The following BICD1 variants were observed in gnomAD, a reference collection of about 807,000 sequenced individuals.
BICD1 encodes BICD cargo adaptor 1, also known as protein bicaudal D homolog 1.
A neutral mutation model predicts 92.5 loss-of-function variants in BICD1; 35 were observed. The ratio of observed to expected loss-of-function variants is 0.38; its 90% CI spans 0.29 to 0.50. The LOEUF (loss-of-function observed/expected upper bound fraction) is 0.50. Ranked by LOEUF, BICD1 falls within the 20% of genes least tolerant of loss-of-function variation. BICD1 has a pLI of 0.93. For missense variants in BICD1, 950 were observed against 1,189.8 expected, an observed-to-expected ratio of 0.80 and a Z score of 2.97; for synonymous variants, 429 against 465.1, an observed-to-expected ratio of 0.92 and a Z score of 1.00.
chr12:32,251,935 G>T (rs1024565671), intron 2 of BICD1, among the ~76,000 whole-genome samples: 1 of 135,634 alleles, frequency 7.4e-6, no homozygotes, highest in Non-Finnish European at 1.5e-5. Context: ...GTTTTGGGGC[G>T]CTCGGGAGTT....
intron 1 of BICD1, among the ~76,000 whole-genome samples, chr12:32,178,264 C>G (rs1005781369): frequency 6.6e-6 from 1 of 151,840 alleles, no homozygotes; most frequent in Admixed American, 6.6e-5. Flanking sequence ...AAGAGATCAC[C>G]GTTGAACACA....
intron 1 of BICD1, among the ~76,000 whole-genome samples, chr12:32,124,971 A>G (rs1191892151): frequency 6.6e-6 from 1 of 152,172 alleles, no homozygotes; most frequent in Non-Finnish European, 1.5e-5. Flanking sequence ...GACCAGGAGT[A>G]CCTGTGACTA....
intron 1 of BICD1, among the ~76,000 whole-genome samples, chr12:32,212,417 G>A (rs937642613): frequency 1.3e-5 from 2 of 152,134 alleles, no homozygotes; most frequent in African/African-American, 4.8e-5. Flanking sequence ...GCAATATGCT[G>A]TGACATTTTA....
At chr12:32,368,060 T>C in intron 9 of BICD1, 1 of 266,834 alleles carries the variant, frequency 3.7e-6, no homozygotes, top group Non-Finnish European at 7.2e-6. Flanking sequence ...GGAATTGTTA[T>C]GATGTTTGTC....
At chr12:32,120,576 G>A (rs1042362525) in intron 1 of BICD1, among the ~76,000 whole-genome samples, 9 of 152,082 alleles carry the variant, frequency 5.9e-5, no homozygotes, top group Admixed American at 1.3e-4. Flanking sequence ...AAGAAGGATG[G>A]GCCCTGTTGA....
intron 1 of BICD1, among the ~76,000 whole-genome samples, chr12:32,165,435 G>A (rs1006884441): frequency 1.1e-4 from 17 of 152,224 alleles, no homozygotes; most frequent in African/African-American, 3.9e-4. Flanking sequence ...AGAATGGCGC[G>A]AACCCGGGAG....
At chr12:32,290,846 C>T (rs991261468) in intron 2 of BICD1, among the ~76,000 whole-genome samples, 16 of 152,146 alleles carry the variant, frequency 1.1e-4, no homozygotes, top group African/African-American at 3.9e-4. Flanking sequence ...CAGAGTTGAG[C>T]CCCTTCTTTT....
intron 2 of BICD1, among the ~76,000 whole-genome samples, chr12:32,242,052 C>CA (rs112753735): frequency 6.7e-6 from 1 of 149,746 alleles, no homozygotes; most frequent in African/African-American, 2.5e-5. Flanking sequence ...AACAAACAAA[C>CA]AAAAAAACAA....
chr12:32,127,569 C>T (rs1386365838), intron 1 of BICD1, among the ~76,000 whole-genome samples: 1 of 152,182 alleles, frequency 6.6e-6, no homozygotes, highest in Non-Finnish European at 1.5e-5. Flanking sequence ...TTACTCTTAC[C>T]ATTTTAATAT....
chr12:32,149,393 A>G (rs930960936), intron 1 of BICD1, among the ~76,000 whole-genome samples: 1 of 152,258 alleles, frequency 6.6e-6, no homozygotes, highest in Non-Finnish European at 1.5e-5. Flanking sequence ...TACAGAATTT[A>G]ATAATGTAAC....
chr12:32,274,061 C>A (rs770224564), intron 2 of BICD1, among the ~76,000 whole-genome samples: 9 of 152,216 alleles, frequency 5.9e-5, no homozygotes, highest in Non-Finnish European at 1.3e-4. Flanking sequence ...AGTTCTTCAG[C>A]CTTCAGGCTC....
At position 32,328,484 on chromosome 12, in the gene BICD1, C is replaced by G; in HGVS notation, c.2029C>G (p.Leu677Val). Reference protein sequence around the residue: ...KEALMEEILKLKSLLSTKREQ... With the variant: ...KEALMEEILKVKSLLSTKREQ... ...AGCCTTAATGGAAGAGATCCTCAAG[C>G]TAAAGTCCCTGCTGAGCACCAAACG... is the stretch of plus-strand genomic sequence containing the variant. Residue 677 changes from leucine to valine, a missense_variant, in exon 5 of 10, where the codon CTA (leucine) becomes GTA (valine). Leu to Val is a conservative substitution (Grantham distance 32). This residue lies in a region of BICD1 where 309 missense variants were observed against 499.4 expected (regional missense o/e 0.62). Coordinates refer to ENST00000652176, the MANE Select transcript of BICD1 (RefSeq NM_001714.4). This position sits in a 1 kb window ranked among gnomAD's most constrained non-coding sequence, Gnocchi z 4.4. 1 of 1,614,214 alleles carries G rather than the reference C, an allele frequency of 6.2e-7. No homozygotes were observed. Among genetic ancestry groups the G allele is most frequent in the South Asian group, 1.1e-5 (1 of 91,088 alleles).
chr12:32,129,619 C>T (rs1280640420), intron 1 of BICD1, among the ~76,000 whole-genome samples: 2 of 151,968 alleles, frequency 1.3e-5, no homozygotes, highest in Non-Finnish European at 2.9e-5. Context: ...ATCTTCCCAC[C>T]TCAGCCTCCC....
chr12:32,196,634 T>A (rs896155340), intron 1 of BICD1, among the ~76,000 whole-genome samples: 14 of 152,258 alleles, frequency 9.2e-5, no homozygotes, highest in African/African-American at 3.1e-4. Context: ...GGTGAGGGAT[T>A]AGGGGAGATA....
chr12:32,287,072 G>A (rs1947589868), intron 2 of BICD1, among the ~76,000 whole-genome samples: 1 of 152,090 alleles, frequency 6.6e-6, no homozygotes, highest in Non-Finnish European at 1.5e-5. Flanking sequence ...TCTGAAATGA[G>A]ACTTAAATAA....
chr12:32,295,246 A>G (rs887755610), intron 3 of BICD1, among the ~76,000 whole-genome samples: 1 of 152,254 alleles, frequency 6.6e-6, no homozygotes, highest in Non-Finnish European at 1.5e-5. Context: ...AGAACTATTA[A>G]TAATTATTGA....
rs1940025986 is a variant in BICD1 at position 32,377,625 on chromosome 12, T to C, written c.2926T>C (p.Ter976GlnextTer71). ...LHCLSKPPHP[*>Q] ...CTGTCTCTCCAAGCCTCCTCACCCC[T>C]AGTCTTCATCTCCTGTGGACGAACA... Residue 976 changes from the stop codon to glutamine (Q), a stop_lost, in exon 10 of 10, where the codon TAG (stop) becomes CAG (glutamine). Coordinates refer to ENST00000652176, the MANE Select transcript of BICD1 (RefSeq NM_001714.4). The C allele has an allele frequency of 6.2e-7, 1 of 1,611,472 alleles. No individual in the cohort carries two copies. The highest frequency in any genetic ancestry group is 8.5e-7 in the Non-Finnish European group (1 of 1,177,764).
chr12:32,188,813 C>A (rs149850942), intron 1 of BICD1, among the ~76,000 whole-genome samples: 2 of 151,850 alleles, frequency 1.3e-5, no homozygotes, highest in African/African-American at 4.8e-5. Flanking sequence ...CTGCAACCTC[C>A]GCCTCTGGGG....
intron 9 of BICD1, among the ~76,000 whole-genome samples, chr12:32,374,568 CT>C (rs146526015): frequency 0.062 from 7,726 of 124,782 alleles, 236 homozygotes; most frequent in Middle Eastern, 0.15. Context: ...TTTCTTTCTT[CT>C]TTTTTTTTTT....
Sources: allele counts gnomAD v4.1 joint callset (sites outside exome capture counted in the v4.1 genomes callset), GRCh38; gene constraint gnomAD v4.1.1; regional missense constraint gnomAD v4.1.1; non-coding constraint Gnocchi (gnomAD v3.1); transcripts MANE v1.5; gene names NCBI Gene and HGNC (gene_info 2026-07-23, HGNC 2026-07-21).